The following ARHGAP32 variants were observed in gnomAD, a reference collection of about 807,000 sequenced individuals.
The protein encoded by ARHGAP32 is rho GTPase-activating protein 32.
ARHGAP32 carries 51 observed loss-of-function variants against 186.5 expected under a neutral mutation model. That is an observed-to-expected ratio of 0.27 (90% CI 0.22 to 0.35). The LOEUF (loss-of-function observed/expected upper bound fraction) is 0.35. ARHGAP32 is among the 10% of genes least tolerant of loss of function. The probability of loss-of-function intolerance (pLI) is 1.00; values close to 1 mark genes in which losing one functional copy is unlikely to be tolerated. For synonymous variants in ARHGAP32, 950 were observed against 964.3 expected (o/e 0.99, Z 0.27); for missense variants, 2,186 against 2,623.5 (o/e 0.83, Z 3.64).
intron 1 of ARHGAP32, among the ~76,000 whole-genome samples, chr11:129,177,466 C>T (rs1296901188): frequency 1.3e-5 from 2 of 152,136 alleles, no homozygotes; most frequent in African/African-American, 2.4e-5. Flanking sequence ...ATACCAAAGC[C>T]GGGCAGAGAC....
In ARHGAP32 at chr11:129,247,014, T is replaced by A. The variant is rs1945109547; in HGVS notation, c.-5+32132A>T. On this transcript the variant is annotated intron_variant, in intron 1 of 6. Coordinates refer to the ARHGAP32 transcript ENST00000525234. ...TTCCCACAGAGTACCTCTTTTTTCCTCACTAGGTCTACCTTCCACGCTCTA... is the reference window on the plus strand; with the variant it reads ...TTCCCACAGAGTACCTCTTTTTTCCACACTAGGTCTACCTTCCACGCTCTA... Among the ~76,000 whole-genome samples, 2 of 152,096 alleles carry A rather than the reference T, an allele frequency of 1.3e-5. 1 individual carries two copies. Among genetic ancestry groups the A allele is most frequent in the South Asian group, 4.1e-4 (2 of 4,820 alleles).
At position 128,969,009 on chromosome 11, in the gene ARHGAP32, G is replaced by C. The variant is rs919480377; in HGVS notation, c.6204C>G (p.Pro2068=). The part of the protein sequence containing the change: ...GMGTYVPPGF[P]HPQSRTYATA... ...TAGCATAGGTCCTGCTCTGTGGATG[G>C]GGAAAGCCAGGGGGCACATACGTCC... Residue 2068 remains proline (P), a synonymous_variant, in exon 23 of 23, where the codon CCC becomes CCG. Transcript: ENST00000682385. This position sits in a 1 kb window ranked among gnomAD's most constrained non-coding sequence, Gnocchi z 4.8. 1.2e-6 allele frequency: 2 copies of C among 1,610,428 alleles called. No homozygotes were observed. Among genetic ancestry groups the C allele is most frequent in the African/African-American group, 1.3e-5 (1 of 74,868 alleles).
intron 1 of ARHGAP32, among the ~76,000 whole-genome samples, chr11:129,173,344 A>C (rs1421394128): frequency 6.6e-6 from 1 of 151,524 alleles, no homozygotes; most frequent in Non-Finnish European, 1.5e-5. Flanking sequence ...AAAAAAAAAG[A>C]AAAGCCCAGG....
At chr11:129,057,774 T>C (rs1029991431) in intron 10 of ARHGAP32, among the ~76,000 whole-genome samples, 9 of 151,320 alleles carry the variant, frequency 5.9e-5, no homozygotes, top group African/African-American at 1.9e-4. Flanking sequence ...ATGGATTAAC[T>C]GCGTATTTAG....
At chr11:129,138,054 T>C (rs1942972079) in intron 2 of ARHGAP32, among the ~76,000 whole-genome samples, 1 of 151,892 alleles carries the variant, frequency 6.6e-6, no homozygotes, top group African/African-American at 2.4e-5. Context: ...AAAAGAAAAC[T>C]GAAATGGACA....
intron 1 of ARHGAP32, among the ~76,000 whole-genome samples, chr11:129,242,317 C>G (rs1945029562): frequency 1.3e-5 from 2 of 152,138 alleles, no homozygotes; most frequent in Non-Finnish European, 2.9e-5. Context: ...ATGTCATAAC[C>G]TCAAACAACT....
chr11:129,097,992 G>T (rs1012983868), intron 5 of ARHGAP32, among the ~76,000 whole-genome samples: 2 of 152,078 alleles, frequency 1.3e-5, no homozygotes, highest in African/African-American at 2.4e-5. Flanking sequence ...AAACTTTAAA[G>T]GTCAAAAAAC....
In ARHGAP32 at chr11:129,127,291, C is replaced by T. The variant is rs557190424; in HGVS notation, c.226-2397G>A. On this transcript the variant is annotated intron_variant, in intron 2 of 22. Coordinates refer to ENST00000682385, the MANE Select transcript of ARHGAP32 (RefSeq NM_001378024.1). ...CCACAGGCTATGCAAAAGGGCCTGA[C>T]GGGAAAACCTCTGCCTAAAAAGACA... Among the ~76,000 whole-genome samples, 8 of 152,248 alleles carry T rather than the reference C, an allele frequency of 5.3e-5. No homozygotes were observed. In the South Asian group the frequency reaches 6.2e-4, roughly 12 times the overall value.
intron 5 of ARHGAP32, among the ~76,000 whole-genome samples, chr11:129,110,867 T>C (rs1473337877): frequency 6.6e-6 from 1 of 152,294 alleles, no homozygotes; most frequent in Non-Finnish European, 1.5e-5. Context: ...AAGATCATAT[T>C]TGCAAAGAGG....
chr11:129,196,259 C>T (rs374145931), upstream of ARHGAP32, among the ~76,000 whole-genome samples: 158 of 152,220 alleles, frequency 1.0e-3, no homozygotes, highest in African/African-American at 3.1e-3. Flanking sequence ...CCACAGGTTC[C>T]GTATGCATGG....
chr11:129,138,372 T>C (rs1159115439), intron 2 of ARHGAP32, among the ~76,000 whole-genome samples: 1 of 150,964 alleles, frequency 6.6e-6, no homozygotes, highest in African/African-American at 2.4e-5. Context: ...TTTGTATCCC[T>C]ATAATCTGAA....
chr11:128,973,371 T>A lies in ARHGAP32; in HGVS notation c.3135A>T (p.Pro1045=), dbSNP rs1481881152. ...SVPVSSVSLI[P]PPPPPKNVAR... is the part of the protein sequence containing the mutation. ...CAACATTTTTCGGAGGCGGTGGTGG[T>A]GGGATAAGAGAGACTGAACTGACAG... The change falls in exon 22 of 23, where the codon CCA becomes CCT. Residue 1045 remains proline, a synonymous_variant. Coordinates refer to ENST00000682385, the MANE Select transcript of ARHGAP32 (RefSeq NM_001378024.1). The A allele has an allele frequency of 3.1e-6, 5 of 1,613,722 alleles. No homozygotes were observed. The highest frequency in any genetic ancestry group is 4.2e-6 in the Non-Finnish European group (5 of 1,179,954).
intron 5 of ARHGAP32, among the ~76,000 whole-genome samples, chr11:129,103,457 G>A (rs1222507315): frequency 6.6e-6 from 1 of 151,956 alleles, no homozygotes; most frequent in Non-Finnish European, 1.5e-5. Context: ...AGTACCAGAA[G>A]GAGATAAGAG....
upstream of ARHGAP32, among the ~76,000 whole-genome samples, chr11:129,192,408 T>C (rs925114991): frequency 1.3e-5 from 2 of 152,150 alleles, no homozygotes; most frequent in Non-Finnish European, 2.9e-5. Context: ...TGGTGACACC[T>C]AGACCCTCCC....
chr11:129,070,848 C>A (rs1407132192), intron 6 of ARHGAP32, among the ~76,000 whole-genome samples: 1 of 151,900 alleles, frequency 6.6e-6, no homozygotes, highest in Admixed American at 6.6e-5. Context: ...AGGTGAAAAA[C>A]TGTATCTTCT....
chr11:129,159,944 C>G (rs747892650), intron 2 of ARHGAP32, among the ~76,000 whole-genome samples: 1 of 152,092 alleles, frequency 6.6e-6, no homozygotes, highest in Non-Finnish European at 1.5e-5. Flanking sequence ...CATAATCCAT[C>G]ATAACAGAAC....
At chr11:129,040,774 C>T (rs530182839) in intron 11 of ARHGAP32, among the ~76,000 whole-genome samples, 154 bp downstream of exon 11, 2 of 152,266 alleles carry the variant, frequency 1.3e-5, no homozygotes, top group Admixed American at 1.3e-4. Context: ...TATAAGAATA[C>T]ATTTAAAAAT....
At chr11:129,061,001 G>C (rs1453232287) in intron 10 of ARHGAP32, among the ~76,000 whole-genome samples, 2 of 151,920 alleles carry the variant, frequency 1.3e-5, no homozygotes, top group Non-Finnish European at 2.9e-5. Context: ...AGACAATCTG[G>C]AGCCAGAGCC....
intron 1 of ARHGAP32, among the ~76,000 whole-genome samples, chr11:129,265,486 A>C (rs534253687): frequency 6.6e-6 from 1 of 152,330 alleles, no homozygotes; most frequent in Non-Finnish European, 1.5e-5. Context: ...AAATCACTTC[A>C]CATTATTTAC....
Sources: allele counts gnomAD v4.1 joint callset (sites outside exome capture counted in the v4.1 genomes callset), GRCh38; gene constraint gnomAD v4.1.1; non-coding constraint Gnocchi (gnomAD v3.1); transcripts MANE v1.5; gene names NCBI Gene and HGNC (gene_info 2026-07-23, HGNC 2026-07-21).